The following PCNX1 variants were observed in gnomAD, a reference collection of about 807,000 sequenced individuals.
PCNX1 encodes the protein pecanex-like protein 1.
Under a neutral mutation model 242.2 loss-of-function variants are expected in PCNX1, and 78 were observed. The ratio of observed to expected loss-of-function variants is 0.32; its 90% CI spans 0.27 to 0.39. The LOEUF (loss-of-function observed/expected upper bound fraction) is 0.39. Among genes scored for constraint, PCNX1 ranks in the 10% least tolerant of loss-of-function variants. The probability of loss-of-function intolerance (pLI) is 1.00; values close to 1 mark genes in which losing one functional copy is unlikely to be tolerated. For synonymous variants in PCNX1, 1,024 were observed against 1,032.9 expected (o/e 0.99, Z 0.17); for missense variants, 2,581 against 2,856.5 (o/e 0.90, Z 2.20).
At chr14:70,978,696 A>G (rs4391999) in intron 6 of PCNX1, 48 bp downstream of exon 6, 526,882 of 1,494,316 alleles carry the variant, frequency 0.35, 96,068 homozygotes, top group East Asian at 0.62. Flanking sequence ...CTGCTTTTTC[A>G]TACTATTAAT....
chr14:71,101,955 T>G, intron 30 of PCNX1, 35 bp from the exon 31 acceptor site: 1 of 1,241,904 alleles, frequency 8.1e-7, no homozygotes. Context: ...TCTTTTATTT[T>G]CCTTTAAAAA....
In PCNX1 at chr14:71,050,761, G is replaced by GT; in HGVS notation, c.4447+2dup. On this transcript the variant is annotated splice_donor_variant, in intron 23 of 35. Coordinates refer to ENST00000304743, the MANE Select transcript of PCNX1 (RefSeq NM_014982.3). LOFTEE classifies it high-confidence loss of function. Reference sequence around the variant, plus strand: ...TTTGCTCAGCCTTTTGCAGTGCCTCGTATCCTTCTAATTAAAGTTTTATAA... The same window carrying GT: ...TTTGCTCAGCCTTTTGCAGTGCCTCGTTATCCTTCTAATTAAAGTTTTATAA... 1 of 1,611,858 alleles carries GT rather than the reference G, an allele frequency of 6.2e-7. No individual in the cohort carries two copies. Among genetic ancestry groups the GT allele is most frequent in the Non-Finnish European group, 8.5e-7 (1 of 1,179,094 alleles).
At chr14:70,933,490 TTG>T (rs2056881602) in intron 1 of PCNX1, among the ~76,000 whole-genome samples, 1 of 152,222 alleles carries the variant, frequency 6.6e-6, no homozygotes, top group Admixed American at 6.5e-5. Context: ...AAATTTGGAT[TTG>T]TGTCTATAAA....
At chr14:71,023,704 T>C (rs1055824699) in intron 13 of PCNX1, among the ~76,000 whole-genome samples, 13 of 152,164 alleles carry the variant, frequency 8.5e-5, no homozygotes, top group African/African-American at 3.1e-4. Flanking sequence ...ATTCACTTCG[T>C]GACTTTAGAC....
rs576085834 is a variant in PCNX1, at chr14:70,941,309, G to C, written c.154-5606G>C. ...GATGGTGACCTACAGTTGGGGTTTT[G>C]GTGTGGATGTCCTTTCTATTTGTTA... On this transcript the variant is annotated intron_variant, in intron 1 of 35. Transcript: ENST00000304743. 8.5e-5 allele frequency among the ~76,000 whole-genome samples: 13 copies of C among 152,218 alleles called. No homozygotes were observed. The South Asian group carries it at 2.7e-3, about 32-fold the overall frequency.
At chr14:70,999,031 G>A (rs2059431900) in intron 8 of PCNX1, among the ~76,000 whole-genome samples, 1 of 151,998 alleles carries the variant, frequency 6.6e-6, no homozygotes, top group African/African-American at 2.4e-5. Flanking sequence ...ATTTTATACT[G>A]TTTTCTGAAT....
intron 8 of PCNX1, among the ~76,000 whole-genome samples, chr14:71,003,080 CTTTT>C (rs3083307): frequency 9.4e-5 from 9 of 95,476 alleles, no homozygotes; most frequent in Admixed American, 2.8e-4. Flanking sequence ...TGGTTGTCTT[CTTTT>C]TTTTTTTTTT....
intron 1 of PCNX1, among the ~76,000 whole-genome samples, chr14:70,921,221 A>G (rs796575589): frequency 2.8e-4 from 43 of 152,302 alleles, no homozygotes; most frequent in African/African-American, 9.4e-4. Context: ...TTATGCCACA[A>G]ATATACATTA....
At chr14:71,004,719 A>T (rs1268877083) in intron 8 of PCNX1, among the ~76,000 whole-genome samples, 1 of 152,164 alleles carries the variant, frequency 6.6e-6, no homozygotes, top group East Asian at 1.9e-4. Context: ...TTATGATTAT[A>T]AGGGGGGTGC....
chr14:70,963,624 T>A (rs1005897400), intron 3 of PCNX1, among the ~76,000 whole-genome samples: 1 of 152,246 alleles, frequency 6.6e-6, no homozygotes, highest in East Asian at 1.9e-4. Context: ...TGACTCTGAT[T>A]AGCATGTTCA....
rs761137610 is a variant in PCNX1, at chr14:71,105,398, A to G, written c.6259A>G (p.Thr2087Ala). 5 of 1,614,114 alleles carry G rather than the reference A, an allele frequency of 3.1e-6. No individual in the cohort carries two copies. The East Asian group carries it at 1.1e-4, about 36-fold the overall frequency. Reference protein sequence around the residue: ...SIGNPGQGSGTGLHPPVTSYP... With the variant: ...SIGNPGQGSGAGLHPPVTSYP... ...TGGAAATCCTGGGCAGGGATCAGGAACTGGACTCCACCCACCTGTCACATC... is the reference window on the plus strand; with the variant it reads ...TGGAAATCCTGGGCAGGGATCAGGAGCTGGACTCCACCCACCTGTCACATC... Residue 2087 changes from threonine (T) to alanine (A), a missense_variant, in exon 33 of 36, where the codon ACT becomes GCT. Transcript: ENST00000304743.
At chr14:70,916,334 A>G (rs187159838) in intron 1 of PCNX1, among the ~76,000 whole-genome samples, 1 of 152,316 alleles carries the variant, frequency 6.6e-6, no homozygotes, top group East Asian at 1.9e-4. Flanking sequence ...ATTAAAAAGA[A>G]AATGGCCTTG....
rs963157994 is a variant in PCNX1, at chr14:71,114,947, G to T, written c.*5012G>T. 2.1e-5 allele frequency: 2 copies of T among 94,698 alleles called. No homozygotes were observed. The highest frequency in any genetic ancestry group is 2.8e-4 in the East Asian group (1 of 3,524). The allele number at this position is 94,698 out of a possible 1,614,324, so 5.9% of individuals were successfully genotyped here. On this transcript the variant is annotated 3_prime_UTR_variant, in exon 36 of 36. Coordinates refer to ENST00000304743, the MANE Select transcript of PCNX1 (RefSeq NM_014982.3). Reference sequence around the variant, plus strand: ...CTACAACCAAAATAATAGAAATGGGGGGGGGGGGGGGAATCATGTCTGCTT... The same window carrying T: ...CTACAACCAAAATAATAGAAATGGGTGGGGGGGGGGGAATCATGTCTGCTT...
chr14:70,933,222 C>T (rs991944539), intron 1 of PCNX1, among the ~76,000 whole-genome samples: 1 of 152,110 alleles, frequency 6.6e-6, no homozygotes, highest in Non-Finnish European at 1.5e-5. Context: ...AGCTACTTTG[C>T]TTTACTGTTG....
chr14:70,980,452 C>T (rs988804222), intron 6 of PCNX1, among the ~76,000 whole-genome samples: 45 of 151,924 alleles, frequency 3.0e-4, no homozygotes, highest in Admixed American at 2.8e-3. Flanking sequence ...ATGTAATAGT[C>T]TGTGGGCTGT....
intron 17 of PCNX1, 59 bp downstream of exon 17, chr14:71,033,597 C>T: frequency 1.1e-6 from 1 of 925,966 alleles, no homozygotes; most frequent in East Asian, 2.4e-5. Context: ...GTGTTTTTTT[C>T]AAATACCTTT....
chr14:71,067,792 T>G (rs1172705255), intron 26 of PCNX1, among the ~76,000 whole-genome samples: 1 of 152,176 alleles, frequency 6.6e-6, no homozygotes, highest in Non-Finnish European at 1.5e-5. Flanking sequence ...TCCCAGAGAT[T>G]CTGGTACGTT....
At position 70,948,766 on chromosome 14, in the gene PCNX1, C is replaced by CAT. The variant is rs558335873; in HGVS notation, c.362+1648_362+1649dup. Among the ~76,000 whole-genome samples the CAT allele has an allele frequency of 6.5e-3, 925 of 142,570 alleles. 8 individuals are homozygous for CAT. The highest frequency in any genetic ancestry group is 0.023 in the African/African-American group (889 of 39,448). The allele number at this position is 142,570 out of a possible 152,430, so 93.5% of individuals were successfully genotyped here. On this transcript the variant is annotated intron_variant, in intron 2 of 35. Transcript: ENST00000304743. ...ATATGTACATATATGTACATATACA[C>CAT]ATATATGTATAGTGTATATATACTT...
intron 28 of PCNX1, among the ~76,000 whole-genome samples, chr14:71,086,265 C>G (rs1036259172): frequency 1.3e-5 from 2 of 152,096 alleles, no homozygotes; most frequent in African/African-American, 4.8e-5. Flanking sequence ...TTTTAATATC[C>G]TTGTGGGTTA....
Sources: gnomAD v4.1 joint callset for allele counts (sites outside exome capture counted in the v4.1 genomes callset) on GRCh38, gnomAD v4.1.1 for gene constraint, MANE v1.5 for transcripts, NCBI Gene and HGNC (gene_info 2026-07-23, HGNC 2026-07-21) for gene names.